Variants in SCGN observed in about 807,000 individuals in gnomAD.
SCGN encodes the protein secretagogin, EF-hand calcium binding protein, also known as secretagogin.
Under a neutral mutation model 39.7 loss-of-function variants are expected in SCGN, and 30 were observed. The ratio of observed to expected loss-of-function variants is 0.76; its 90% CI spans 0.57 to 1.03. SCGN has a LOEUF of 1.03. SCGN is among the 50% of genes least tolerant of loss of function. The pLI is 0.00. For missense variants in SCGN, 353 were observed against 349.4 expected (o/e 1.01, Z -0.08); for synonymous variants, 106 against 114.1 (o/e 0.93, Z 0.45).
chr6:25,672,914 G>A (rs1759519020), intron 6 of SCGN, among the ~76,000 whole-genome samples: 1 of 152,100 alleles, frequency 6.6e-6, no homozygotes, highest in African/African-American at 2.4e-5. Context: ...TGATGAATCA[G>A]GTGGGAGTCA....
At chr6:25,661,717 G>A in intron 3 of SCGN, 73 bp downstream of exon 3, 2 of 1,000,464 alleles carry the variant, frequency 2.0e-6, no homozygotes, top group East Asian at 5.1e-5. Context: ...ATCGTCTTGG[G>A]CTGTAATATT....
chr6:25,694,313 A>G (rs1448326837), intron 10 of SCGN, among the ~76,000 whole-genome samples: 1 of 152,236 alleles, frequency 6.6e-6, no homozygotes, highest in Non-Finnish European at 1.5e-5. Flanking sequence ...TAGGAGAGAT[A>G]GAAGTAAAAT....
At chr6:25,659,288 C>T (rs548774309) in intron 2 of SCGN, among the ~76,000 whole-genome samples, 61 of 152,304 alleles carry the variant, frequency 4.0e-4, no homozygotes, top group African/African-American at 1.5e-3. Context: ...ATCAAGCTGT[C>T]CTTGCATTTT....
chr6:25,695,341 A>G (rs1159172273), intron 10 of SCGN, among the ~76,000 whole-genome samples: 1 of 152,166 alleles, frequency 6.6e-6, no homozygotes, highest in Admixed American at 6.5e-5. Context: ...ATCATGATCA[A>G]TGACATAAAC....
rs532044986 is a variant in SCGN, at chr6:25,672,047, C to G, written c.471+1971C>G. ...ACTTCTTAATATAGCTCAGCTTCCC[C>G]CCTCACCAACTTTTTTCACCTGGTT... On this transcript the variant is annotated intron_variant, in intron 6 of 10. Transcript: ENST00000377961. Among the ~76,000 whole-genome samples, 16 of 152,302 alleles carry G rather than the reference C, an allele frequency of 1.1e-4. No homozygotes were observed. In the East Asian group the frequency reaches 3.1e-3, roughly 29 times the overall value.
chr6:25,692,768 G>C (rs149445377), intron 10 of SCGN, among the ~76,000 whole-genome samples: 3 of 152,296 alleles, frequency 2.0e-5, no homozygotes, highest in Non-Finnish European at 2.9e-5. Context: ...AGAATTTGAA[G>C]GGGTGGTTTC....
chr6:25,695,362 C>G (rs1409598586), intron 10 of SCGN, among the ~76,000 whole-genome samples: 1 of 152,124 alleles, frequency 6.6e-6, no homozygotes, highest in Non-Finnish European at 1.5e-5. Context: ...TTATCCATCA[C>G]CTGCAAACAT....
At position 25,661,569 on chromosome 6, in the gene SCGN, A is replaced by G. The variant is rs369586993; in HGVS notation, c.171A>G (p.Ala57=). Residue 57 remains alanine, a synonymous_variant, in exon 3 of 11, where the codon GCA becomes GCG. Transcript: ENST00000377961. The part of the protein sequence containing the change: ...KLGTDDTVMK[A]NLHKVKQQFM... ...AATTGCAGGACACGGTCATGAAAGC[A>G]AATTTGCACAAGGTGAAACAGCAGT... 1.9e-6 allele frequency: 3 copies of G among 1,613,496 alleles called. No individual in the cohort carries two copies. The highest frequency in any genetic ancestry group is 1.3e-5 in the African/African-American group (1 of 74,922).
At chr6:25,663,858 A>G (rs994338431) in intron 3 of SCGN, among the ~76,000 whole-genome samples, 5 of 152,190 alleles carry the variant, frequency 3.3e-5, no homozygotes, top group Admixed American at 3.3e-4. Flanking sequence ...GCTGACCCAT[A>G]TCCAATTAGA....
At chr6:25,686,077 AT>A (rs1759702204) in intron 7 of SCGN, among the ~76,000 whole-genome samples, 1 of 152,108 alleles carries the variant, frequency 6.6e-6, no homozygotes, top group Non-Finnish European at 1.5e-5. Context: ...ATCCCTTTTT[AT>A]GGCTGAATAA....
At chr6:25,669,658 G>C in intron 5 of SCGN, 91 bp downstream of exon 5, 1 of 1,061,674 alleles carries the variant, frequency 9.4e-7, no homozygotes, top group Non-Finnish European at 1.5e-6. Flanking sequence ...GCCCAAGAAA[G>C]ATGTATTTGA....
chr6:25,693,285 A>T (rs566717839), intron 10 of SCGN, among the ~76,000 whole-genome samples: 1 of 151,872 alleles, frequency 6.6e-6, no homozygotes, highest in Non-Finnish European at 1.5e-5. Flanking sequence ...CCCCATCTCT[A>T]CTAAAAATAC....
intron 2 of SCGN, among the ~76,000 whole-genome samples, chr6:25,657,080 A>T (rs964198600): frequency 6.6e-6 from 1 of 152,216 alleles, no homozygotes; most frequent in Non-Finnish European, 1.5e-5. Context: ...ATGAACCCTC[A>T]AATGTAAGCA....
intron 4 of SCGN, among the ~76,000 whole-genome samples, chr6:25,667,049 AAC>A (rs1246769979): frequency 4.6e-5 from 7 of 152,178 alleles, no homozygotes; most frequent in Non-Finnish European, 1.0e-4. Flanking sequence ...ATAGAAATGA[AAC>A]ACACAGAAAC....
chr6:25,689,493 G>A lies in SCGN; in HGVS notation c.594G>A (p.Arg198=), dbSNP rs148498541. Residue 198 remains arginine (R), a synonymous_variant, in exon 9 of 11, where the codon AGG becomes AGA. Transcript: ENST00000377961. The part of the protein sequence containing the change: ...FKMDACSTEE[R]KRDFEKIFAY... ...CACAGGCTTGTTCTACTGAAGAAAG[G>A]AAAAGGGACTTTGAGAAAATCTTTG... is the stretch of plus-strand genomic sequence containing the variant. The A allele has an allele frequency of 1.3e-4, 204 of 1,613,818 alleles. No homozygotes were observed. The Admixed American group carries it at 3.4e-3, about 27-fold the overall frequency.
intron 8 of SCGN, 125 bp from the exon 9 acceptor site, chr6:25,689,348 C>G: frequency 2.6e-6 from 3 of 1,157,942 alleles, no homozygotes; most frequent in Non-Finnish European, 3.8e-6. Context: ...CAAGGATCAG[C>G]ATGGAATCAA....
At chr6:25,661,324 C>G (rs1362372313) in intron 2 of SCGN, among the ~76,000 whole-genome samples, 2 of 152,172 alleles carry the variant, frequency 1.3e-5, no homozygotes, top group Non-Finnish European at 2.9e-5. Context: ...AACTCATTAA[C>G]TGTAAATTGT....
intron 10 of SCGN, among the ~76,000 whole-genome samples, chr6:25,699,438 A>T (rs1395602338): frequency 6.6e-6 from 1 of 151,772 alleles, no homozygotes; most frequent in Non-Finnish European, 1.5e-5. Flanking sequence ...AAAAAATACA[A>T]AATTAGCCGG....
intron 2 of SCGN, among the ~76,000 whole-genome samples, chr6:25,658,723 A>G (rs532408537): frequency 1.1e-4 from 16 of 152,350 alleles, no homozygotes; most frequent in South Asian, 2.1e-4. Flanking sequence ...CCATTTGGGA[A>G]CTATACAAAC....
Sources: allele counts gnomAD v4.1 joint callset (sites outside exome capture counted in the v4.1 genomes callset), GRCh38; gene constraint gnomAD v4.1.1; transcripts MANE v1.5; gene names NCBI Gene and HGNC (gene_info 2026-07-23, HGNC 2026-07-21).